ADAMTSL1: variants seen among roughly 807,000 people sequenced by gnomAD.
ADAMTSL1 encodes the protein ADAMTS like 1, also known as ADAMTS-like protein 1.
Under a neutral mutation model 201.8 loss-of-function variants are expected in ADAMTSL1, and 126 were observed. The ratio of observed to expected loss-of-function variants is 0.62; its 90% CI spans 0.54 to 0.72. The LOEUF (loss-of-function observed/expected upper bound fraction) is 0.72, where lower values mean the gene tolerates loss of function less well. Ranked by LOEUF, ADAMTSL1 falls within the 30% of genes least tolerant of loss-of-function variation. The probability of loss-of-function intolerance (pLI) is 0.00; values close to 1 mark genes in which losing one functional copy is unlikely to be tolerated. For missense variants in ADAMTSL1, 2,679 were observed against 2,277.8 expected (o/e 1.18, Z -3.59); for synonymous variants, 1,121 against 903.4 (o/e 1.24, Z -4.32).
At chr9:18,315,032 G>C (rs918232379) in intron 2 of ADAMTSL1, among the ~76,000 whole-genome samples, 2 of 151,544 alleles carry the variant, frequency 1.3e-5, no homozygotes, top group African/African-American at 4.8e-5. Flanking sequence ...TCCTGACCTC[G>C]TGATCCGCCC....
chr9:18,063,980 C>G (rs1822580796), intron 1 of ADAMTSL1, among the ~76,000 whole-genome samples: 1 of 152,140 alleles, frequency 6.6e-6, no homozygotes, highest in Non-Finnish European at 1.5e-5. Context: ...CCCCCACTGC[C>G]TCCCTTCTCT....
chr9:18,306,805 C>A (rs1055051777), intron 2 of ADAMTSL1, among the ~76,000 whole-genome samples: 2 of 152,132 alleles, frequency 1.3e-5, no homozygotes, highest in Non-Finnish European at 2.9e-5. Context: ...CCCAACCTAG[C>A]AAGACAGGCC....
chr9:18,306,369 C>T (rs1833908630), intron 2 of ADAMTSL1, among the ~76,000 whole-genome samples: 1 of 152,088 alleles, frequency 6.6e-6, no homozygotes, highest in Middle Eastern at 3.2e-3. Context: ...AAATAGGCTT[C>T]AGAAAGTGGA....
intron 2 of ADAMTSL1, among the ~76,000 whole-genome samples, chr9:18,207,466 C>G (rs1490290460): frequency 2.0e-5 from 3 of 152,130 alleles, no homozygotes; most frequent in Admixed American, 1.3e-4. Context: ...ACTGGCTAAT[C>G]AATGGTGCTT....
intron 9 of ADAMTSL1, among the ~76,000 whole-genome samples, chr9:18,674,970 C>T (rs1270167426): frequency 6.7e-6 from 1 of 149,496 alleles, no homozygotes; most frequent in Non-Finnish European, 1.5e-5. Context: ...CAATTGGAGA[C>T]TTTAGTTGAA....
intron 2 of ADAMTSL1, among the ~76,000 whole-genome samples, chr9:18,460,478 T>C (rs1163316054): frequency 6.6e-6 from 1 of 152,000 alleles, no homozygotes; most frequent in East Asian, 1.9e-4. Context: ...CTGGAGAGAG[T>C]CCAGGGCACT....
chr9:18,651,910 TTATATA>T (rs144354985), intron 7 of ADAMTSL1, among the ~76,000 whole-genome samples: 1 of 150,102 alleles, frequency 6.7e-6, no homozygotes, highest in Admixed American at 6.6e-5. Flanking sequence ...GTTTATAAAA[TTATATA>T]TATATATATT....
At chr9:18,883,662 C>G (rs762533943) in intron 23 of ADAMTSL1, among the ~76,000 whole-genome samples, 1 of 152,192 alleles carries the variant, frequency 6.6e-6, no homozygotes, top group Non-Finnish European at 1.5e-5. Context: ...TAAGTGGAAT[C>G]ATACAATATT....
At chr9:18,139,643 A>G (rs896703239) in intron 1 of ADAMTSL1, among the ~76,000 whole-genome samples, 1 of 152,192 alleles carries the variant, frequency 6.6e-6, no homozygotes, top group African/African-American at 2.4e-5. Flanking sequence ...GCCATGCTAC[A>G]TATACAAAAT....
chr9:18,713,272 A>G (rs1450446831), intron 14 of ADAMTSL1, among the ~76,000 whole-genome samples: 1 of 152,120 alleles, frequency 6.6e-6, no homozygotes, highest in African/African-American at 2.4e-5. Context: ...ATGTCAATGG[A>G]CTAAATGCTC....
chr9:18,461,829 T>A (rs1041910465), intron 2 of ADAMTSL1, among the ~76,000 whole-genome samples: 2 of 152,172 alleles, frequency 1.3e-5, no homozygotes, highest in African/African-American at 4.8e-5. Flanking sequence ...AGATAAATAG[T>A]TATCCTTTGA....
chr9:18,647,141 A>AT (rs201140387), intron 7 of ADAMTSL1, among the ~76,000 whole-genome samples: 108,928 of 151,792 alleles, frequency 0.72, 39,237 homozygotes, highest in East Asian at 0.86. Flanking sequence ...CGAGGAATTT[A>AT]CCATTTCTTC....
At chr9:18,180,824 C>G (rs554015658) in intron 2 of ADAMTSL1, among the ~76,000 whole-genome samples, 3 of 152,130 alleles carry the variant, frequency 2.0e-5, no homozygotes, top group African/African-American at 7.2e-5. Flanking sequence ...GCCCGCATCG[C>G]CAAGTCAATC....
rs545619523 is a variant in ADAMTSL1 at position 18,883,828 on chromosome 9, T to C, written c.4250-4003T>C. On this transcript the variant is annotated intron_variant, in intron 23 of 28. Transcript: ENST00000380548. ...TATCTACCCATTGATTATTGGATAT[T>C]TGAGTGGTTTAAATCTTTTGGGTAT... Among the ~76,000 whole-genome samples, 81 of 152,334 alleles carry C rather than the reference T, an allele frequency of 5.3e-4. No individual in the cohort carries two copies. The South Asian group carries it at 0.016, about 31-fold the overall frequency.
chr9:18,864,966 T>TAAGA (rs1827417442), intron 23 of ADAMTSL1, among the ~76,000 whole-genome samples: 1 of 150,322 alleles, frequency 6.7e-6, no homozygotes, highest in South Asian at 2.1e-4. Context: ...TTCTGGTGTT[T>TAAGA]AAGATTAAAA....
intron 2 of ADAMTSL1, among the ~76,000 whole-genome samples, chr9:18,331,643 GAAAAAC>G (rs146399996): frequency 0.017 from 2,591 of 152,148 alleles, 64 homozygotes; most frequent in African/African-American, 0.058. Context: ...GCAATTCTAG[GAAAAAC>G]AAAAACAAAA....
At chr9:18,367,112 A>G (rs1836800709) in intron 2 of ADAMTSL1, among the ~76,000 whole-genome samples, 1 of 152,156 alleles carries the variant, frequency 6.6e-6, no homozygotes, top group Admixed American at 6.5e-5. Context: ...TACACTACCT[A>G]GAAAACGTGT....
At chr9:18,674,911 C>G (rs944997383) in intron 9 of ADAMTSL1, among the ~76,000 whole-genome samples, 1 of 152,134 alleles carries the variant, frequency 6.6e-6, no homozygotes, top group Non-Finnish European at 1.5e-5. Context: ...AATCATTAGT[C>G]CTCCACAAAC....
At chr9:18,144,011 T>G (rs116112715) in intron 1 of ADAMTSL1, among the ~76,000 whole-genome samples, 76 of 152,250 alleles carry the variant, frequency 5.0e-4, no homozygotes, top group African/African-American at 1.6e-3. Context: ...TCAGGAAAGA[T>G]AGTGCTATTT....
Sources: gnomAD v4.1 joint callset for allele counts (sites outside exome capture counted in the v4.1 genomes callset) on GRCh38, gnomAD v4.1.1 for gene constraint, MANE v1.5 for transcripts, NCBI Gene and HGNC (gene_info 2026-07-23, HGNC 2026-07-21) for gene names.